LRRD1: variants seen among roughly 807,000 people sequenced by gnomAD.
LRRD1 encodes the protein leucine rich repeats and death domain containing 1.
A neutral mutation model predicts 69.5 loss-of-function variants in LRRD1; 49 were observed. That is an observed-to-expected ratio of 0.70 (90% CI 0.56 to 0.89). The LOEUF is 0.89. Among genes scored for constraint, LRRD1 ranks in the 40% least tolerant of loss-of-function variants. The probability of loss-of-function intolerance (pLI) is 0.00; values close to 1 mark genes in which losing one functional copy is unlikely to be tolerated. For synonymous variants in LRRD1, 303 were observed against 338.9 expected (o/e 0.89, Z 1.16); for missense variants, 853 against 956.0 (o/e 0.89, Z 1.42).
At chr7:92,157,339 A>C (rs1788683258) in intron 3 of LRRD1, among the ~76,000 whole-genome samples, 2 of 151,870 alleles carry the variant, frequency 1.3e-5, no homozygotes, top group African/African-American at 4.8e-5. Flanking sequence ...ATATGATATC[A>C]TTTTTTATAT....
At chr7:92,168,515 T>A (rs1364145802) in intron 1 of LRRD1, among the ~76,000 whole-genome samples, 2 of 152,132 alleles carry the variant, frequency 1.3e-5, no homozygotes, top group African/African-American at 4.8e-5. Flanking sequence ...GGACATGAAC[T>A]CCTACCTAGC....
At chr7:92,146,851 G>A (rs1324901825) in intron 4 of LRRD1, among the ~76,000 whole-genome samples, 1 of 150,530 alleles carries the variant, frequency 6.6e-6, no homozygotes, top group Non-Finnish European at 1.5e-5. Flanking sequence ...GAATCCAGGA[G>A]GCAGAGGTTG....
At chr7:92,147,230 C>T (rs937284508) in intron 4 of LRRD1, among the ~76,000 whole-genome samples, 1 of 151,992 alleles carries the variant, frequency 6.6e-6, no homozygotes, top group Admixed American at 6.6e-5. Flanking sequence ...CCACACCCAG[C>T]TAATTTTTTG....
chr7:92,174,503 A>ATTTTTTTTTTTTTTTTTTTTTTTTT (rs1190934761), intron 1 of LRRD1, among the ~76,000 whole-genome samples: 1 of 20,108 alleles, frequency 5.0e-5, no homozygotes, highest in African/African-American at 2.2e-4. Flanking sequence ...ATATATATAT[A>ATTTTTTTTTTTTTTTTTTTTTTTTT]TATATATTTT....
At chr7:92,176,802 A>ACCTCGAAC (rs1789207764) in intron 1 of LRRD1, among the ~76,000 whole-genome samples, 1 of 151,866 alleles carries the variant, frequency 6.6e-6, no homozygotes, top group South Asian at 2.1e-4. Flanking sequence ...ACCTCAGGTG[A>ACCTCGAAC]TCCACTCGCC....
chr7:92,148,325 G>T (rs1820380125), intron 4 of LRRD1, among the ~76,000 whole-genome samples: 1 of 152,116 alleles, frequency 6.6e-6, no homozygotes, highest in Admixed American at 6.5e-5. Context: ...TCCTGCCTTG[G>T]CCTCCCAAAG....
chr7:92,162,983 A>G (rs1319417438), intron 2 of LRRD1, among the ~76,000 whole-genome samples: 1 of 152,200 alleles, frequency 6.6e-6, no homozygotes, highest in Non-Finnish European at 1.5e-5. Context: ...ATGTGTTTAT[A>G]TGACATTCAT....
chr7:92,165,389 C>T lies in LRRD1; in HGVS notation c.-74-113G>A, dbSNP rs747530204. On this transcript the variant is annotated intron_variant, in intron 1 of 5. Transcript: ENST00000458448. ...TAATTTAATACAAATACAAATAATA[C>T]ATTTATAACAAACTAATTTTATATA... The T allele has an allele frequency of 1.2e-5, 4 of 328,248 alleles. No individual in the cohort carries two copies. In the South Asian group the frequency reaches 5.1e-4, roughly 42 times the overall value. 20.3% of individuals were successfully genotyped at this position (328,248 alleles called of 1,614,324 possible).
chr7:92,143,412 G>A (rs1820221506), downstream of LRRD1, among the ~76,000 whole-genome samples: 2 of 120,426 alleles, frequency 1.7e-5, no homozygotes, highest in African/African-American at 3.6e-5. Context: ...GGGCGCCATG[G>A]AACCGGGGGC....
chr7:92,142,929 T>G (rs763034237), downstream of LRRD1: 6 of 304,014 alleles, frequency 2.0e-5, no homozygotes, highest in Non-Finnish European at 3.9e-5. Context: ...GCTTCCGCAG[T>G]GTGGAAGGGG....
At chr7:92,161,475 G>A (rs930788010) in intron 2 of LRRD1, among the ~76,000 whole-genome samples, 16 of 152,376 alleles carry the variant, frequency 1.1e-4, no homozygotes, top group African/African-American at 3.8e-4. Context: ...ATGGACAACA[G>A]TCCTCTGCAA....
intron 1 of LRRD1, among the ~76,000 whole-genome samples, chr7:92,166,089 C>T (rs1004318056): frequency 6.6e-6 from 1 of 152,170 alleles, no homozygotes; most frequent in Non-Finnish European, 1.5e-5. Flanking sequence ...ATAGTCCTTG[C>T]GTGGATTGCA....
intron 5 of LRRD1, 117 bp from the exon 6 acceptor site, chr7:92,145,191 A>G: frequency 1.9e-6 from 1 of 514,672 alleles, no homozygotes; most frequent in Non-Finnish European, 2.9e-6. Context: ...CTCCTGTAAT[A>G]TTGTATATCT....
intron 1 of LRRD1, among the ~76,000 whole-genome samples, chr7:92,167,010 A>G (rs1401609352): frequency 1.3e-5 from 2 of 152,234 alleles, no homozygotes; most frequent in African/African-American, 4.8e-5. Context: ...AGAAAATCCA[A>G]GCTCATCTAC....
intron 2 of LRRD1, 147 bp downstream of exon 2, chr7:92,163,139 G>A (rs1026513078): frequency 2.5e-5 from 11 of 433,960 alleles, no homozygotes; most frequent in Middle Eastern, 3.1e-4. Context: ...CATGTTTGGC[G>A]GGGACGGGGA....
Position 92,167,182 on chromosome 7 carries a change from G to A in LRRD1, c.-74-1906C>T, listed in dbSNP as rs188654169. ...GCTATCTTGGCTCACTGCAACCTCCGACTCCCTGGTTCAAGTGATTCTCCT... is the reference window on the plus strand; with the variant it reads ...GCTATCTTGGCTCACTGCAACCTCCAACTCCCTGGTTCAAGTGATTCTCCT... On this transcript the variant is annotated intron_variant, in intron 1 of 5. Coordinates refer to ENST00000458448, the MANE Select transcript of LRRD1 (RefSeq NM_001161528.2). 2.0e-3 allele frequency among the ~76,000 whole-genome samples: 305 copies of A among 150,096 alleles called. 1 individual carries two copies. Among genetic ancestry groups the A allele is most frequent in the African/African-American group, 6.9e-3 (281 of 40,852 alleles).
intron 3 of LRRD1, among the ~76,000 whole-genome samples, chr7:92,151,280 G>A (rs1335182573): frequency 6.6e-6 from 1 of 152,072 alleles, no homozygotes; most frequent in African/African-American, 2.4e-5. Flanking sequence ...TGTTTTTCAT[G>A]ACCTTGACAG....
chr7:92,143,850 C>G (rs368911308), downstream of LRRD1, among the ~76,000 whole-genome samples: 1 of 152,204 alleles, frequency 6.6e-6, no homozygotes, highest in Non-Finnish European at 1.5e-5. Flanking sequence ...CGAGAGCGAG[C>G]GAGGGCTGTG....
chr7:92,174,532 TTTTTTG>T, intron 1 of LRRD1, among the ~76,000 whole-genome samples: 2 of 100,918 alleles, frequency 2.0e-5, no homozygotes, highest in African/African-American at 3.7e-5. Context: ...TTTTTTTTTT[TTTTTTG>T]AGACAGAGTT....
Sources: allele counts gnomAD v4.1 joint callset (sites outside exome capture counted in the v4.1 genomes callset), GRCh38; gene constraint gnomAD v4.1.1; transcripts MANE v1.5; gene names NCBI Gene and HGNC (gene_info 2026-07-23, HGNC 2026-07-21).